Variants in SMYD2 observed in about 807,000 individuals in gnomAD.
SMYD2 encodes N-lysine methyltransferase SMYD2.
A neutral mutation model predicts 59.1 loss-of-function variants in SMYD2; 53 were observed. That is an observed-to-expected ratio of 0.90 (90% CI 0.72 to 1.13). The LOEUF is 1.13. Ranked by LOEUF, SMYD2 falls within the 50% of genes most tolerant of loss-of-function variation. The probability of loss-of-function intolerance (pLI) is 0.00; values close to 1 mark genes in which losing one functional copy is unlikely to be tolerated. For synonymous variants in SMYD2, 208 were observed against 198.8 expected (o/e 1.05, Z -0.39); for missense variants, 494 against 544.7 (o/e 0.91, Z 0.93).
At chr1:214,290,866 C>A (rs1326650251) in intron 1 of SMYD2, among the ~76,000 whole-genome samples, 3 of 152,132 alleles carry the variant, frequency 2.0e-5, no homozygotes, top group African/African-American at 7.2e-5. Context: ...GGTACTGGCT[C>A]ATATTTTTGA....
At chr1:214,297,879 C>T (rs979709815) in intron 1 of SMYD2, among the ~76,000 whole-genome samples, 3 of 151,964 alleles carry the variant, frequency 2.0e-5, no homozygotes, top group Non-Finnish European at 4.4e-5. Flanking sequence ...TAAGAAAATT[C>T]ACACTGCTGA....
chr1:214,333,872 AG>A (rs750125692), intron 10 of SMYD2: 23 of 205,978 alleles, frequency 1.1e-4, no homozygotes, highest in Middle Eastern at 2.0e-3. Flanking sequence ...CTGTTTTCCC[AG>A]GGTCTTCCTC....
intron 1 of SMYD2, among the ~76,000 whole-genome samples, chr1:214,304,752 C>T (rs567395186): frequency 8.7e-4 from 133 of 152,270 alleles, no homozygotes; most frequent in African/African-American, 3.0e-3. Flanking sequence ...AACACTCCAT[C>T]TTCATGGGGT....
At chr1:214,302,523 C>T (rs960023223) in intron 1 of SMYD2, among the ~76,000 whole-genome samples, 8 of 152,096 alleles carry the variant, frequency 5.3e-5, no homozygotes, top group African/African-American at 1.7e-4. Context: ...AAAGGGTCTC[C>T]GGGACCCCAG....
intron 9 of SMYD2, 77 bp from the exon 10 acceptor site, chr1:214,331,941 A>C (rs1657361616): frequency 7.0e-7 from 1 of 1,425,106 alleles, no homozygotes; most frequent in African/African-American, 1.4e-5. Flanking sequence ...GAGTGGACGA[A>C]ATAACTCCTT....
Position 214,312,720 on chromosome 1 carries a change from A to C in SMYD2, c.238-2042A>C, listed in dbSNP as rs1201663974. 6.6e-6 allele frequency among the ~76,000 whole-genome samples: 1 copy of C among 152,174 alleles called. No individual in the cohort carries two copies. Among genetic ancestry groups the C allele is most frequent in the Non-Finnish European group, 1.5e-5 (1 of 68,036 alleles). Reference sequence around the variant, plus strand: ...GTGGCTAAGTGCAGTGAGGCAGGTGAGAGTACGGTGGGGGATGATGGGCTG... The same window carrying C: ...GTGGCTAAGTGCAGTGAGGCAGGTGCGAGTACGGTGGGGGATGATGGGCTG... On this transcript the variant is annotated intron_variant, in intron 2 of 11. Transcript: ENST00000366957. This position sits in a 1 kb window ranked among gnomAD's most constrained non-coding sequence, Gnocchi z 4.1.
At chr1:214,329,378 C>G (rs888434690) in intron 7 of SMYD2, among the ~76,000 whole-genome samples, 2 of 152,158 alleles carry the variant, frequency 1.3e-5, no homozygotes, top group Non-Finnish European at 2.9e-5. Context: ...TCCATCTGTT[C>G]AGTCAGACAT....
intron 1 of SMYD2, among the ~76,000 whole-genome samples, chr1:214,294,264 G>T (rs1050910269): frequency 6.6e-6 from 1 of 152,166 alleles, no homozygotes; most frequent in Admixed American, 6.5e-5. Context: ...GGGGTAATTC[G>T]CCTAAACAAA....
chr1:214,301,235 G>C (rs908367700), intron 1 of SMYD2, among the ~76,000 whole-genome samples: 1 of 152,106 alleles, frequency 6.6e-6, no homozygotes, highest in Non-Finnish European at 1.5e-5. Context: ...ATACGTAATT[G>C]GTAAGAGAAG....
chr1:214,314,971 A>T, intron 3 of SMYD2, 99 bp downstream of exon 3: 2 of 832,972 alleles, frequency 2.4e-6, no homozygotes, highest in Non-Finnish European at 4.0e-6. Context: ...CTCTCGTTAA[A>T]CATCCTTAGA....
intron 9 of SMYD2, 123 bp downstream of exon 9, chr1:214,331,193 C>T: frequency 7.0e-7 from 1 of 1,423,162 alleles, no homozygotes; most frequent in Non-Finnish European, 9.5e-7. Context: ...AGGAATGTCT[C>T]CTAGTAAATG....
chr1:214,299,482 T>TATAC (rs751839365), intron 1 of SMYD2, among the ~76,000 whole-genome samples: 1 of 45,870 alleles, frequency 2.2e-5, no homozygotes, highest in African/African-American at 6.7e-5. Context: ...TATATATATA[T>TATAC]ACACCATAGA....
chr1:214,294,528 C>T (rs1283649121), intron 1 of SMYD2, among the ~76,000 whole-genome samples: 2 of 152,130 alleles, frequency 1.3e-5, no homozygotes, highest in African/African-American at 2.4e-5. Context: ...ATTAGCTGGG[C>T]GTGGTGGTTC....
intron 2 of SMYD2, 88 bp downstream of exon 2, chr1:214,305,338 A>G: frequency 7.8e-7 from 1 of 1,274,234 alleles, no homozygotes; most frequent in South Asian, 1.2e-5. Flanking sequence ...GCCCTCCTGG[A>G]GCCAGAGCTG....
At chr1:214,310,635 T>A (rs1187208354) in intron 2 of SMYD2, among the ~76,000 whole-genome samples, 1 of 152,000 alleles carries the variant, frequency 6.6e-6, no homozygotes, top group Non-Finnish European at 1.5e-5. Flanking sequence ...TGATAACATT[T>A]AAAAAAGCAT....
At chr1:214,321,400 C>G (rs930292400) in intron 5 of SMYD2, among the ~76,000 whole-genome samples, 1 of 149,082 alleles carries the variant, frequency 6.7e-6, no homozygotes, top group Non-Finnish European at 1.5e-5. Flanking sequence ...CACACAAATA[C>G]ACACACATAT....
chr1:214,318,072 T>C lies in SMYD2; in HGVS notation c.349-7T>C, dbSNP rs146563828. 8.1e-6 allele frequency: 13 copies of C among 1,613,182 alleles called. No homozygotes were observed. The highest frequency in any genetic ancestry group is 8.0e-5 in the African/African-American group (6 of 75,016). Reference sequence around the variant, plus strand: ...TGTATCTGTGTGATTTCTTCCCCAATTGCTAGAAAATCCACCCAGAGAGAA... The same window carrying C: ...TGTATCTGTGTGATTTCTTCCCCAACTGCTAGAAAATCCACCCAGAGAGAA... On this transcript the variant is annotated splice_polypyrimidine_tract_variant and splice_region_variant and intron_variant, in intron 3 of 11. Transcript: ENST00000366957. This position sits in a 1 kb window ranked among gnomAD's most constrained non-coding sequence, Gnocchi z 5.4.
chr1:214,291,980 CAAGG>C (rs1237373028), intron 1 of SMYD2, among the ~76,000 whole-genome samples: 3 of 151,940 alleles, frequency 2.0e-5, no homozygotes, highest in Non-Finnish European at 4.4e-5. Flanking sequence ...TTCAGGTTAA[CAAGG>C]AAGTAGGGAT....
At chr1:214,303,572 G>A (rs773156851) in intron 1 of SMYD2, among the ~76,000 whole-genome samples, 5 of 152,138 alleles carry the variant, frequency 3.3e-5, no homozygotes, top group African/African-American at 7.2e-5. Flanking sequence ...ACCCCAAGAC[G>A]CGTTTTTCTC....
Sources: gnomAD v4.1 joint callset for allele counts (sites outside exome capture counted in the v4.1 genomes callset) on GRCh38, gnomAD v4.1.1 for gene constraint, Gnocchi (gnomAD v3.1) non-coding constraint, MANE v1.5 for transcripts, NCBI Gene and HGNC (gene_info 2026-07-23, HGNC 2026-07-21) for gene names.